The following CSMD1 variants were observed in gnomAD, a reference collection of about 807,000 sequenced individuals.
CSMD1 encodes the protein CUB and sushi domain-containing protein 1.
CSMD1 carries 213 observed loss-of-function variants against 417.5 expected under a neutral mutation model. The ratio of observed to expected loss-of-function variants is 0.51; its 90% CI spans 0.46 to 0.57. The LOEUF (loss-of-function observed/expected upper bound fraction) is 0.57. Ranked by LOEUF, CSMD1 falls within the 20% of genes least tolerant of loss-of-function variation. The pLI is 0.00. For synonymous variants in CSMD1, 2,862 were observed against 1,736.8 expected (o/e 1.65, Z -16.11); for missense variants, 6,923 against 4,529.7 (o/e 1.53, Z -15.17).
intron 33 of CSMD1, among the ~76,000 whole-genome samples, chr8:3,195,522 C>A (rs369074840): frequency 6.6e-6 from 1 of 152,140 alleles, no homozygotes; most frequent in Non-Finnish European, 1.5e-5. Flanking sequence ...GTGTGATGTT[C>A]GGCTTTTGCA....
intron 3 of CSMD1, among the ~76,000 whole-genome samples, chr8:4,090,178 C>G (rs1056694060): frequency 3.9e-5 from 6 of 152,102 alleles, no homozygotes; most frequent in Non-Finnish European, 1.5e-5. Flanking sequence ...TGAGTGTAAC[C>G]TCCACTTTTG....
chr8:3,959,168 T>C (rs909802578), intron 5 of CSMD1, among the ~76,000 whole-genome samples: 1 of 152,214 alleles, frequency 6.6e-6, no homozygotes, highest in Admixed American at 6.5e-5. Context: ...GTATAAGAAG[T>C]TACAGGGCAT....
At chr8:4,411,140 A>C (rs1417306747) in intron 3 of CSMD1, among the ~76,000 whole-genome samples, 5 of 152,154 alleles carry the variant, frequency 3.3e-5, no homozygotes, top group African/African-American at 1.2e-4. Flanking sequence ...TAACCATGAG[A>C]TACATCTCTT....
chr8:3,562,498 G>C (rs187091832), intron 10 of CSMD1, among the ~76,000 whole-genome samples: 1 of 149,586 alleles, frequency 6.7e-6, no homozygotes, highest in Admixed American at 6.9e-5. Context: ...GAACACAGAT[G>C]AGTGCCACAG....
intron 1 of CSMD1, among the ~76,000 whole-genome samples, chr8:4,850,675 G>C (rs962013305): frequency 3.4e-4 from 51 of 151,874 alleles, no homozygotes; most frequent in African/African-American, 1.2e-3. Context: ...TACCCCCTTA[G>C]CTTTGTCTCT....
At chr8:4,929,955 A>G (rs1318347944) in intron 1 of CSMD1, among the ~76,000 whole-genome samples, 5 of 152,232 alleles carry the variant, frequency 3.3e-5, no homozygotes, top group Non-Finnish European at 5.9e-5. Flanking sequence ...GTGAAGCTAC[A>G]GTTTTCTGTT....
At chr8:3,319,165 C>G (rs1805980319) in intron 23 of CSMD1, among the ~76,000 whole-genome samples, 1 of 152,060 alleles carries the variant, frequency 6.6e-6, no homozygotes, top group Non-Finnish European at 1.5e-5. Context: ...TAAAAAAAAT[C>G]TAGGAATAAA....
At chr8:3,866,524 A>C (rs1585112496) in intron 5 of CSMD1, among the ~76,000 whole-genome samples, 1 of 152,168 alleles carries the variant, frequency 6.6e-6, no homozygotes, top group Non-Finnish European at 1.5e-5. Context: ...ATCATGATCT[A>C]ATGTGTACGT....
intron 5 of CSMD1, among the ~76,000 whole-genome samples, chr8:3,893,582 C>T (rs187295191): frequency 6.6e-6 from 1 of 151,884 alleles, no homozygotes; most frequent in Non-Finnish European, 1.5e-5. Context: ...CTGCACCTGT[C>T]TAGCTCCAGT....
intron 5 of CSMD1, among the ~76,000 whole-genome samples, chr8:3,929,667 AT>A (rs11288538): frequency 0.43 from 62,266 of 145,046 alleles, 15,279 homozygotes; most frequent in African/African-American, 0.58. Context: ...TAAAAATACT[AT>A]TTTTTTTTTT....
intron 3 of CSMD1, among the ~76,000 whole-genome samples, chr8:4,230,654 A>G (rs1801667100): frequency 1.3e-5 from 2 of 152,118 alleles, no homozygotes; most frequent in South Asian, 4.1e-4. Flanking sequence ...GTAGCTCATA[A>G]TTTTCTCCAT....
intron 25 of CSMD1, among the ~76,000 whole-genome samples, chr8:3,290,367 G>C (rs1803459275): frequency 1.4e-5 from 2 of 146,872 alleles, no homozygotes; most frequent in Admixed American, 1.3e-4. Flanking sequence ...TGTGAAGAAA[G>C]TCATTGGTAA....
chr8:3,429,284 A>G (rs954516980), intron 12 of CSMD1, among the ~76,000 whole-genome samples: 1 of 152,266 alleles, frequency 6.6e-6, no homozygotes, highest in Non-Finnish European at 1.5e-5. Context: ...GTACTGAAGC[A>G]TAAATAAACA....
intron 3 of CSMD1, among the ~76,000 whole-genome samples, chr8:4,162,976 G>A (rs1484897624): frequency 6.6e-6 from 1 of 152,048 alleles, no homozygotes; most frequent in African/African-American, 2.4e-5. Context: ...CCCTAGAGTA[G>A]GAATCACAAA....
intron 5 of CSMD1, among the ~76,000 whole-genome samples, chr8:3,990,132 T>A (rs1265584587): frequency 6.6e-6 from 1 of 152,164 alleles, no homozygotes; most frequent in East Asian, 1.9e-4. Flanking sequence ...TTTAACAGCG[T>A]TAATTTAGTT....
At chr8:4,347,047 C>T (rs1016568302) in intron 3 of CSMD1, among the ~76,000 whole-genome samples, 3 of 152,142 alleles carry the variant, frequency 2.0e-5, no homozygotes, top group African/African-American at 7.2e-5. Context: ...CTCTAATTAT[C>T]TAGACCAGAG....
chr8:3,376,761 C>G (rs943375249), intron 18 of CSMD1, among the ~76,000 whole-genome samples: 1 of 150,084 alleles, frequency 6.7e-6, no homozygotes, highest in Non-Finnish European at 1.5e-5. Flanking sequence ...CTGAGTTTAT[C>G]GTGTTTCATG....
chr8:4,973,994 T>A (rs1398275332), intron 1 of CSMD1, among the ~76,000 whole-genome samples: 2 of 152,082 alleles, frequency 1.3e-5, no homozygotes, highest in Non-Finnish European at 2.9e-5. Flanking sequence ...GCAAGAAAGT[T>A]TTAGATTAGC....
At chr8:4,438,136 T>C (rs937629493) in intron 2 of CSMD1, among the ~76,000 whole-genome samples, 10 of 152,198 alleles carry the variant, frequency 6.6e-5, no homozygotes, top group Non-Finnish European at 1.3e-4. Flanking sequence ...CAGAAAAGAA[T>C]TGAGTGTGCT....
Sources: gnomAD v4.1 joint callset for allele counts (sites outside exome capture counted in the v4.1 genomes callset) on GRCh38, gnomAD v4.1.1 for gene constraint, MANE v1.5 for transcripts, NCBI Gene and HGNC (gene_info 2026-07-23, HGNC 2026-07-21) for gene names.